PDE4D: variants seen among roughly 807,000 people sequenced by gnomAD.
PDE4D encodes the protein 3',5'-cyclic-AMP phosphodiesterase 4D.
A neutral mutation model predicts 87.4 loss-of-function variants in PDE4D; 24 were observed. The observed-to-expected ratio is 0.27, with a 90% CI of 0.20 to 0.39. The LOEUF (loss-of-function observed/expected upper bound fraction) is 0.39, where lower values mean the gene tolerates loss of function less well. Among genes scored for constraint, PDE4D ranks in the 10% least tolerant of loss-of-function variants. The pLI, the probability that PDE4D is intolerant of heterozygous loss-of-function variation, is 1.00. For missense variants in PDE4D, 714 were observed against 1,041.0 expected (o/e 0.69, Z 4.32); for synonymous variants, 384 against 383.2 (o/e 1.00, Z -0.02).
At chr5:59,438,745 A>G (rs774988580) in intron 1 of PDE4D, among the ~76,000 whole-genome samples, 29 of 152,180 alleles carry the variant, frequency 1.9e-4, no homozygotes, top group Non-Finnish European at 2.6e-4. Context: ...TGCTTCTCCA[A>G]ATCTATTTCT....
chr5:59,315,184 T>A (rs1773467040), intron 1 of PDE4D, among the ~76,000 whole-genome samples: 1 of 152,176 alleles, frequency 6.6e-6, no homozygotes, highest in South Asian at 2.1e-4. Flanking sequence ...GCCTAACTTT[T>A]CCTGGTCGTG....
intron 1 of PDE4D, among the ~76,000 whole-genome samples, chr5:59,350,762 CTCA>C (rs1780405733): frequency 6.6e-6 from 1 of 152,114 alleles, no homozygotes; most frequent in Non-Finnish European, 1.5e-5. Flanking sequence ...ACACTTAATC[CTCA>C]TAATACTCCA....
rs1755336383 is a variant in PDE4D at position 59,022,327 on chromosome 5, C to T, written c.921+16532G>A. On this transcript the variant is annotated intron_variant, in intron 6 of 14. Coordinates refer to ENST00000340635, the MANE Select transcript of PDE4D (RefSeq NM_001104631.2). Reference sequence around the variant, plus strand: ...GAAAGTCTGACTCCCCTCCTTCTCCCACTCTTCTCTTTCTCTGCCTCACAC... The same window carrying T: ...GAAAGTCTGACTCCCCTCCTTCTCCTACTCTTCTCTTTCTCTGCCTCACAC... Among the ~76,000 whole-genome samples the T allele has an allele frequency of 2.0e-5, 3 of 152,096 alleles. No individual in the cohort carries two copies. The South Asian group carries it at 6.2e-4, about 32-fold the overall frequency.
chr5:60,240,135 T>TAGAGAGTGTA, intron 1 of PDE4D, among the ~76,000 whole-genome samples: 1 of 152,124 alleles, frequency 6.6e-6, no homozygotes, highest in Non-Finnish European at 1.5e-5. Context: ...TACACACATT[T>TAGAGAGTGTA]TTCTTTTATT....
intron 1 of PDE4D, among the ~76,000 whole-genome samples, chr5:60,240,156 T>G (rs1746919914): frequency 6.6e-6 from 1 of 152,118 alleles, no homozygotes; most frequent in Non-Finnish European, 1.5e-5. Context: ...ATACTTTATA[T>G]TTGCTTTGCC....
chr5:59,168,518 T>C (rs778941933), intron 5 of PDE4D, among the ~76,000 whole-genome samples: 5 of 152,186 alleles, frequency 3.3e-5, no homozygotes, highest in Non-Finnish European at 5.9e-5. Context: ...AGGAATCCTT[T>C]CCTTAGCTTA....
At chr5:60,433,960 C>T (rs542987804) in intron 1 of PDE4D, among the ~76,000 whole-genome samples, 2 of 152,154 alleles carry the variant, frequency 1.3e-5, no homozygotes, top group East Asian at 3.9e-4. Flanking sequence ...CAGAAGACTA[C>T]ATATTGGGTA....
chr5:59,723,681 A>G (rs1756180875), intron 1 of PDE4D, among the ~76,000 whole-genome samples: 1 of 152,150 alleles, frequency 6.6e-6, no homozygotes, highest in Non-Finnish European at 1.5e-5. Flanking sequence ...CTATCACCAA[A>G]ATACCCATAT....
chr5:60,072,364 T>A (rs1313538002), intron 2 of PDE4D, among the ~76,000 whole-genome samples: 1 of 152,176 alleles, frequency 6.6e-6, no homozygotes, highest in East Asian at 1.9e-4. Context: ...TGGGGTTGTT[T>A]AATTCTTATA....
chr5:59,119,200 A>C (rs1271707299), intron 5 of PDE4D, among the ~76,000 whole-genome samples: 1 of 152,212 alleles, frequency 6.6e-6, no homozygotes, highest in Non-Finnish European at 1.5e-5. Context: ...TTAAATTGCC[A>C]AAATCTTATT....
At chr5:60,099,023 G>A (rs1371500607) in intron 2 of PDE4D, among the ~76,000 whole-genome samples, 2 of 151,798 alleles carry the variant, frequency 1.3e-5, no homozygotes, top group African/African-American at 2.4e-5. Context: ...CTTTTCTCTG[G>A]GAATGATTTT....
intron 1 of PDE4D, among the ~76,000 whole-genome samples, chr5:60,226,833 T>TCACA (rs5868227): frequency 0.017 from 2,525 of 148,464 alleles, 26 homozygotes; most frequent in Middle Eastern, 0.041. Context: ...TTTCTACACA[T>TCACA]CACACACACA....
intron 2 of PDE4D, among the ~76,000 whole-genome samples, chr5:60,048,923 A>G (rs1203171232): frequency 6.6e-6 from 1 of 152,098 alleles, no homozygotes; most frequent in African/African-American, 2.4e-5. Context: ...GCCTTGCTAC[A>G]TTGGGGAAGT....
chr5:59,632,899 A>G lies in PDE4D; in HGVS notation c.455+260269T>C, dbSNP rs1831752171. ...CAGAAAATGAGTTAGATCAATTCAC[A>G]GAAATAGGCTTCAGAAGGTGGGTAA... On this transcript the variant is annotated intron_variant, in intron 1 of 14. Coordinates refer to ENST00000340635, the MANE Select transcript of PDE4D (RefSeq NM_001104631.2). 2.0e-5 allele frequency among the ~76,000 whole-genome samples: 3 copies of G among 152,334 alleles called. No individual in the cohort carries two copies. In the South Asian group the frequency reaches 6.2e-4, roughly 32 times the overall value.
intron 5 of PDE4D, among the ~76,000 whole-genome samples, chr5:59,123,254 A>C (rs910773485): frequency 5.9e-5 from 9 of 152,104 alleles, no homozygotes; most frequent in Non-Finnish European, 1.2e-4. Context: ...AGTCACACAT[A>C]GTCTTCTTTC....
intron 1 of PDE4D, among the ~76,000 whole-genome samples, chr5:60,366,516 G>A (rs902193354): frequency 3.3e-5 from 5 of 152,168 alleles, no homozygotes; most frequent in Non-Finnish European, 7.3e-5. Flanking sequence ...GCATTTACCA[G>A]ATAACAATGT....
At chr5:59,601,859 A>G (rs1827556035) in intron 1 of PDE4D, among the ~76,000 whole-genome samples, 1 of 152,142 alleles carries the variant, frequency 6.6e-6, no homozygotes, top group African/African-American at 2.4e-5. Flanking sequence ...AGAATAACTA[A>G]TATCAATTTT....
At chr5:60,471,739 T>G (rs1747828234) in intron 1 of PDE4D, among the ~76,000 whole-genome samples, 1 of 152,194 alleles carries the variant, frequency 6.6e-6, no homozygotes, top group African/African-American at 2.4e-5. Context: ...ATGTACTTTT[T>G]TTAGATATAA....
intron 1 of PDE4D, among the ~76,000 whole-genome samples, chr5:59,524,500 G>A (rs1309647331): frequency 1.3e-5 from 2 of 152,122 alleles, no homozygotes; most frequent in Non-Finnish European, 2.9e-5. Context: ...TCAAAAGGAA[G>A]CACACCATAA....
Sources: gnomAD v4.1 joint callset for allele counts (sites outside exome capture counted in the v4.1 genomes callset) on GRCh38, gnomAD v4.1.1 for gene constraint, MANE v1.5 for transcripts, NCBI Gene and HGNC (gene_info 2026-07-23, HGNC 2026-07-21) for gene names.